GABRB1: variants seen among roughly 807,000 people sequenced by gnomAD.
GABRB1 encodes the protein gamma-aminobutyric acid type A receptor subunit beta1, also known as gamma-aminobutyric acid receptor subunit beta-1.
GABRB1 carries 17 observed loss-of-function variants against 51.6 expected under a neutral mutation model. The ratio of observed to expected loss-of-function variants is 0.33; its 90% CI spans 0.23 to 0.49. The LOEUF is 0.49. GABRB1 is among the 20% of genes least tolerant of loss of function. The pLI is 0.99. For missense variants in GABRB1, 410 were observed against 600.6 expected, an observed-to-expected ratio of 0.68 and a Z score of 3.32; for synonymous variants, 247 against 218.9, an observed-to-expected ratio of 1.13 and a Z score of -1.14.
intron 8 of GABRB1, among the ~76,000 whole-genome samples, chr4:47,425,402 C>T (rs1729238262): frequency 6.6e-6 from 1 of 151,674 alleles, no homozygotes; most frequent in Admixed American, 6.6e-5. Context: ...CACACACACA[C>T]ACACACACAC....
At chr4:47,192,160 G>A (rs1478700416) in intron 4 of GABRB1, among the ~76,000 whole-genome samples, 2 of 152,002 alleles carry the variant, frequency 1.3e-5, no homozygotes, top group African/African-American at 4.8e-5. Flanking sequence ...TTTGGGGAAA[G>A]TTTTCAAAAG....
intron 5 of GABRB1, among the ~76,000 whole-genome samples, chr4:47,322,677 A>T (rs905286380): frequency 2.6e-5 from 4 of 152,162 alleles, no homozygotes; most frequent in African/African-American, 9.7e-5. Flanking sequence ...GGCATCAATA[A>T]TTAGAAGTAT....
At chr4:47,068,211 T>C (rs1727167490) in intron 3 of GABRB1, among the ~76,000 whole-genome samples, 1 of 152,180 alleles carries the variant, frequency 6.6e-6, no homozygotes, top group Non-Finnish European at 1.5e-5. Context: ...CTGGATTAGG[T>C]TTTGGCTTAA....
intron 3 of GABRB1, among the ~76,000 whole-genome samples, chr4:47,066,609 T>C (rs1460663318): frequency 6.6e-6 from 1 of 152,216 alleles, no homozygotes; most frequent in Non-Finnish European, 1.5e-5. Context: ...ACTTTATTTG[T>C]TCATCTATAG....
At chr4:47,354,979 T>TG (rs1477045288) in intron 5 of GABRB1, among the ~76,000 whole-genome samples, 2 of 116,258 alleles carry the variant, frequency 1.7e-5, no homozygotes, top group African/African-American at 3.3e-5. Context: ...TTTCTTCCTT[T>TG]GTTTTTTTTT....
At chr4:47,236,933 C>T (rs1041045740) in intron 4 of GABRB1, among the ~76,000 whole-genome samples, 6 of 151,896 alleles carry the variant, frequency 4.0e-5, no homozygotes, top group Admixed American at 6.6e-5. Flanking sequence ...TAAAAGCGGA[C>T]GTAAGAAATT....
At chr4:47,390,567 T>C (rs2110038310) in intron 5 of GABRB1, among the ~76,000 whole-genome samples, 2 of 152,350 alleles carry the variant, frequency 1.3e-5, no homozygotes, top group South Asian at 4.1e-4. Context: ...TAATTTTATC[T>C]GTACTTTCTT....
chr4:47,041,166 G>A (rs1392000894), intron 3 of GABRB1, among the ~76,000 whole-genome samples: 1 of 152,100 alleles, frequency 6.6e-6, no homozygotes, highest in Non-Finnish European at 1.5e-5. Context: ...AAATGAGGCT[G>A]ACAGCATGCC....
At chr4:47,358,402 T>C (rs35892737) in intron 5 of GABRB1, among the ~76,000 whole-genome samples, 3 of 150,534 alleles carry the variant, frequency 2.0e-5, no homozygotes, top group Admixed American at 6.6e-5. Context: ...TATATATATA[T>C]ATAGAGAGAG....
chr4:47,090,069 C>T (rs942340553), intron 3 of GABRB1, among the ~76,000 whole-genome samples: 1 of 152,130 alleles, frequency 6.6e-6, no homozygotes, highest in Non-Finnish European at 1.5e-5. Flanking sequence ...CATGATGAAA[C>T]TTGCTAATCT....
chr4:47,330,274 C>A (rs1056690663), intron 5 of GABRB1, among the ~76,000 whole-genome samples: 1 of 152,162 alleles, frequency 6.6e-6, no homozygotes, highest in Non-Finnish European at 1.5e-5. Context: ...TCCAAAAACA[C>A]CCTCACAGGA....
intron 3 of GABRB1, among the ~76,000 whole-genome samples, chr4:47,088,049 T>G (rs1477099522): frequency 6.6e-6 from 1 of 152,240 alleles, no homozygotes; most frequent in African/African-American, 2.4e-5. Flanking sequence ...AATTCTTATT[T>G]ATTATTGCTT....
chr4:47,282,137 C>A (rs552104929), intron 4 of GABRB1, among the ~76,000 whole-genome samples: 18 of 152,224 alleles, frequency 1.2e-4, no homozygotes, highest in African/African-American at 3.1e-4. Flanking sequence ...AAAACATCGC[C>A]TTGTACCCTA....
intron 5 of GABRB1, among the ~76,000 whole-genome samples, chr4:47,380,273 A>T (rs1727547763): frequency 6.6e-6 from 1 of 152,252 alleles, no homozygotes; most frequent in Non-Finnish European, 1.5e-5. Context: ...ACTTTAGTAA[A>T]AGATAATCTT....
intron 4 of GABRB1, among the ~76,000 whole-genome samples, chr4:47,295,163 C>T (rs184083343): frequency 6.6e-5 from 10 of 152,232 alleles, no homozygotes; most frequent in South Asian, 2.1e-4. Context: ...GGGGAAAAAA[C>T]GGAGCAGAAA....
chr4:47,290,016 A>G (rs1723662316), intron 4 of GABRB1, among the ~76,000 whole-genome samples: 1 of 152,242 alleles, frequency 6.6e-6, no homozygotes, highest in Non-Finnish European at 1.5e-5. Context: ...ACAATTCACA[A>G]CAAATGCTAC....
intron 3 of GABRB1, among the ~76,000 whole-genome samples, chr4:47,145,408 C>G (rs1186830567): frequency 6.6e-6 from 1 of 152,006 alleles, no homozygotes; most frequent in South Asian, 2.1e-4. Flanking sequence ...GGCAAGCCCA[C>G]AAGTACTTTC....
At chr4:47,026,725 G>T (rs966377319), upstream of GABRB1, among the ~76,000 whole-genome samples, 26 of 151,934 alleles carry the variant, frequency 1.7e-4, no homozygotes, top group African/African-American at 5.8e-4. Flanking sequence ...CGTAATTTGG[G>T]CTTCTTCTAA....
chr4:47,258,231 G>A (rs1722292197), intron 4 of GABRB1, among the ~76,000 whole-genome samples: 1 of 152,082 alleles, frequency 6.6e-6, no homozygotes, highest in Non-Finnish European at 1.5e-5. Context: ...TCAGAAAACA[G>A]ATGGATGTTC....
Sources: allele counts gnomAD v4.1 joint callset (sites outside exome capture counted in the v4.1 genomes callset), GRCh38; gene constraint gnomAD v4.1.1; transcripts MANE v1.5; gene names NCBI Gene and HGNC (gene_info 2026-07-23, HGNC 2026-07-21).